ADAM19: variants seen among roughly 807,000 people sequenced by gnomAD.
ADAM19 encodes the protein disintegrin and metalloproteinase domain-containing protein 19.
A neutral mutation model predicts 114.7 loss-of-function variants in ADAM19; 65 were observed. The observed-to-expected ratio is 0.57, with a 90% CI of 0.46 to 0.70. ADAM19 has a LOEUF of 0.70. Among genes scored for constraint, ADAM19 ranks in the 30% least tolerant of loss-of-function variants. The pLI is 0.00. For synonymous variants in ADAM19, 466 were observed against 460.5 expected (o/e 1.01, Z -0.15); for missense variants, 1,063 against 1,204.7 (o/e 0.88, Z 1.74).
At chr5:157,545,695 TCA>T (rs1476226335) in intron 3 of ADAM19, among the ~76,000 whole-genome samples, 1 of 152,208 alleles carries the variant, frequency 6.6e-6, no homozygotes, top group Non-Finnish European at 1.5e-5. Flanking sequence ...TTGCCCAGCA[TCA>T]CACAGTTTTT....
chr5:157,548,343 C>T (rs1423786396), intron 3 of ADAM19, among the ~76,000 whole-genome samples: 1 of 152,184 alleles, frequency 6.6e-6, no homozygotes, highest in Non-Finnish European at 1.5e-5. Context: ...TTCTGATCAC[C>T]ATTGATTCTC....
In ADAM19 at chr5:157,480,648, C is replaced by G. The variant is rs918280506; in HGVS notation, c.*301G>C. The G allele has an allele frequency of 8.4e-7, 1 of 1,197,578 alleles. No individual in the cohort carries two copies. The highest frequency in any genetic ancestry group is 1.0e-6 in the Non-Finnish European group (1 of 959,122). The allele number at this position is 1,197,578 out of a possible 1,614,324, so 74.2% of individuals were successfully genotyped here. A position where few individuals can be genotyped will look rare whatever the true frequency, so the allele number is the denominator to read the frequency against. ...GCCTTGAGCATCTCCATCAGCACCT[C>G]GGGGCTAGGAGTCTGGAGGAGAAGC... On this transcript the variant is annotated 3_prime_UTR_variant, in exon 23 of 23. Transcript: ENST00000257527.
intron 3 of ADAM19, among the ~76,000 whole-genome samples, chr5:157,549,002 G>A (rs922001406): frequency 1.3e-5 from 2 of 152,178 alleles, no homozygotes; most frequent in Admixed American, 6.5e-5. Flanking sequence ...TACAGAAGTT[G>A]TGAAGAAGCC....
intron 3 of ADAM19, among the ~76,000 whole-genome samples, chr5:157,541,026 C>T (rs1184877585): frequency 6.6e-6 from 1 of 152,174 alleles, no homozygotes; most frequent in Admixed American, 6.5e-5. Flanking sequence ...TTAGGGCCAG[C>T]CATCTGTTTG....
intron 11 of ADAM19, 88 bp from the exon 12 acceptor site, chr5:157,503,068 G>A (rs1288788482): frequency 1.8e-5 from 24 of 1,307,514 alleles, no homozygotes; most frequent in South Asian, 1.8e-4. Context: ...CCTGCTACCC[G>A]TGGGGCTGAC....
chr5:157,515,851 G>T (rs1213299596), intron 7 of ADAM19, among the ~76,000 whole-genome samples: 1 of 152,184 alleles, frequency 6.6e-6, no homozygotes, highest in Admixed American at 6.5e-5. Context: ...CCTGGATTCC[G>T]TTCCACCTGG....
intron 7 of ADAM19, among the ~76,000 whole-genome samples, chr5:157,514,267 GC>G (rs1756025165): frequency 6.6e-6 from 1 of 151,840 alleles, no homozygotes; most frequent in Non-Finnish European, 1.5e-5. Context: ...CACTGGCAGT[GC>G]CTTCTACAGT....
In ADAM19 at chr5:157,480,718, T is replaced by C; in HGVS notation, c.*231A>G. On this transcript the variant is annotated 3_prime_UTR_variant, in exon 23 of 23. Coordinates refer to ENST00000257527, the MANE Select transcript of ADAM19 (RefSeq NM_033274.5). ...ACTCTCCCCTCCCTACCTGGGGCTGTATATTGCACAAAACAACACCTAGAG... is the reference window on the plus strand; with the variant it reads ...ACTCTCCCCTCCCTACCTGGGGCTGCATATTGCACAAAACAACACCTAGAG... The C allele has an allele frequency of 7.3e-7, 1 of 1,366,056 alleles. No homozygotes were observed. The highest frequency in any genetic ancestry group is 9.4e-7 in the Non-Finnish European group (1 of 1,059,168). The allele number at this position is 1,366,056 out of a possible 1,614,324, so 84.6% of individuals were successfully genotyped here.
chr5:157,542,657 T>C (rs1472031968), intron 3 of ADAM19, among the ~76,000 whole-genome samples: 1 of 152,064 alleles, frequency 6.6e-6, no homozygotes. Flanking sequence ...CAAAAAAAAA[T>C]AGCCAGGTGT....
intron 16 of ADAM19, 80 bp downstream of exon 16, chr5:157,492,893 A>T: frequency 6.6e-7 from 1 of 1,506,558 alleles, no homozygotes; most frequent in Non-Finnish European, 9.2e-7. Context: ...ATCTGAGCCC[A>T]GGCATCCTTC....
At chr5:157,507,771 A>C (rs1032750297) in intron 9 of ADAM19, among the ~76,000 whole-genome samples, 2 of 152,212 alleles carry the variant, frequency 1.3e-5, no homozygotes, top group African/African-American at 2.4e-5. Context: ...GCCAGCAGCA[A>C]GCTTCATTTT....
intron 11 of ADAM19, 97 bp from the exon 12 acceptor site, chr5:157,503,077 A>G: frequency 8.5e-7 from 1 of 1,174,642 alleles, no homozygotes; most frequent in Non-Finnish European, 1.2e-6. Context: ...CGTGGGGCTG[A>G]CTCCACCTGG....
chr5:157,499,547 A>C, intron 13 of ADAM19, 26 bp downstream of exon 13: 1 of 1,596,266 alleles, frequency 6.3e-7, no homozygotes, highest in Non-Finnish European at 8.6e-7. Flanking sequence ...GCCAGGGCCC[A>C]AGGCGTGGAG....
chr5:157,530,955 G>A lies in ADAM19; in HGVS notation c.331-72C>T, dbSNP rs971863542. ...ATGGCAATGTTAATATCTCAGGATG[G>A]TCATGGATGACTCATGGCTTATTAT... On this transcript the variant is annotated intron_variant, in intron 4 of 22. Coordinates refer to ENST00000257527, the MANE Select transcript of ADAM19 (RefSeq NM_033274.5). The A allele has an allele frequency of 3.1e-5, 41 of 1,319,918 alleles. No homozygotes were observed. In the South Asian group the frequency reaches 4.4e-4, roughly 14 times the overall value. 81.8% of individuals were successfully genotyped at this position (1,319,918 alleles called of 1,614,324 possible).
intron 12 of ADAM19, among the ~76,000 whole-genome samples, chr5:157,500,794 G>A (rs1460341902): frequency 6.6e-6 from 1 of 152,120 alleles, no homozygotes; most frequent in Non-Finnish European, 1.5e-5. Context: ...AGGCGTTCCA[G>A]TGACCCTGAG....
At chr5:157,566,479 C>T (rs915898617) in intron 2 of ADAM19, 2 of 152,022 alleles carry the variant, frequency 1.3e-5, no homozygotes, top group Non-Finnish European at 2.9e-5. Flanking sequence ...TTTTATTAAT[C>T]TCTTTTTACT....
chr5:157,494,579 A>C (rs1172479971), intron 15 of ADAM19, 108 bp downstream of exon 15: 3 of 817,124 alleles, frequency 3.7e-6, no homozygotes, highest in Non-Finnish European at 6.0e-6. Context: ...GATTGACGTA[A>C]AGGTGCAGCT....
rs1278286157 is a variant in ADAM19, at chr5:157,478,728, A to T, written c.*2221T>A. On this transcript the variant is annotated 3_prime_UTR_variant, in exon 23 of 23. Coordinates refer to ENST00000257527, the MANE Select transcript of ADAM19 (RefSeq NM_033274.5). ...ATTCCACCATCTTCCAGTTCACAGT[A>T]CAACTTTATGGGATGGAGGTGATAT... 1.0e-6 allele frequency: 1 copy of T among 985,782 alleles called. No homozygotes were observed. Among genetic ancestry groups the T allele is most frequent in the Non-Finnish European group, 1.2e-6 (1 of 829,948 alleles). The allele number at this position is 985,782 out of a possible 1,614,324, so 61.1% of individuals were successfully genotyped here.
chr5:157,543,973 A>G (rs1402917525), intron 3 of ADAM19, among the ~76,000 whole-genome samples: 1 of 152,238 alleles, frequency 6.6e-6, no homozygotes, highest in Non-Finnish European at 1.5e-5. Context: ...CTTCAGAACC[A>G]AGATTTCTAC....
Sources: allele counts gnomAD v4.1 joint callset (sites outside exome capture counted in the v4.1 genomes callset), GRCh38; gene constraint gnomAD v4.1.1; transcripts MANE v1.5; gene names NCBI Gene and HGNC (gene_info 2026-07-23, HGNC 2026-07-21).